The following IMMP2L variants were observed in gnomAD, a reference collection of about 807,000 sequenced individuals.
The protein encoded by IMMP2L is inner mitochondrial membrane peptidase subunit 2, also known as mitochondrial inner membrane protease subunit 2.
A neutral mutation model predicts 19.3 loss-of-function variants in IMMP2L; 18 were observed. That is an observed-to-expected ratio of 0.93 (90% CI 0.64 to 1.38). The LOEUF is 1.38. Among genes scored for constraint, IMMP2L ranks in the 40% most tolerant of loss-of-function variants. IMMP2L has a pLI of 0.00. For synonymous variants in IMMP2L, 76 were observed against 73.0 expected, an observed-to-expected ratio of 1.04 and a Z score of -0.21; for missense variants, 233 against 218.2, an observed-to-expected ratio of 1.07 and a Z score of -0.43.
chr7:110,825,281 C>A (rs545123077), intron 5 of IMMP2L, among the ~76,000 whole-genome samples: 7 of 152,030 alleles, frequency 4.6e-5, no homozygotes, highest in East Asian at 3.9e-4. Flanking sequence ...TTATAGATTC[C>A]ATGCCATCCC....
At chr7:111,557,895 C>A (rs1360006822) in intron 1 of IMMP2L, among the ~76,000 whole-genome samples, 1 of 151,806 alleles carries the variant, frequency 6.6e-6, no homozygotes, top group African/African-American at 2.4e-5. Flanking sequence ...AGAAAATCAA[C>A]TGGACTTTGA....
At chr7:110,775,249 C>CTGTGTG (rs56387151) in intron 5 of IMMP2L, among the ~76,000 whole-genome samples, 44,485 of 146,368 alleles carry the variant, frequency 0.3, 8,154 homozygotes, top group East Asian at 0.58. Context: ...CTTAAGTCAG[C>CTGTGTG]TGTGTGTGTG....
intron 3 of IMMP2L, among the ~76,000 whole-genome samples, chr7:111,076,932 C>G (rs1795465214): frequency 6.6e-6 from 1 of 152,100 alleles, no homozygotes; most frequent in African/African-American, 2.4e-5. Flanking sequence ...TTTTATTTTT[C>G]TTCTTTCTGA....
At chr7:111,337,346 T>C (rs1420531738) in intron 3 of IMMP2L, among the ~76,000 whole-genome samples, 1 of 152,162 alleles carries the variant, frequency 6.6e-6, no homozygotes, top group Non-Finnish European at 1.5e-5. Context: ...TAATAGAAAT[T>C]ATGCCATAAT....
Position 110,826,339 on chromosome 7 carries a change from A to G in IMMP2L, c.408+60254T>C, listed in dbSNP as rs563034535. On this transcript the variant is annotated intron_variant, in intron 5 of 5. Transcript: ENST00000405709. Reference sequence around the variant, plus strand: ...TGACCCAGCTATCCCATTACCGGGTATATACCCAAAGGTGTATAAATCATG... The same window carrying G: ...TGACCCAGCTATCCCATTACCGGGTGTATACCCAAAGGTGTATAAATCATG... Among the ~76,000 whole-genome samples, 13 of 152,334 alleles carry G rather than the reference A, an allele frequency of 8.5e-5. No homozygotes were observed. The South Asian group carries it at 1.9e-3, about 22-fold the overall frequency.
intron 1 of IMMP2L, among the ~76,000 whole-genome samples, chr7:111,538,032 C>T (rs1247148969): frequency 5.3e-5 from 8 of 152,032 alleles, no homozygotes; most frequent in Admixed American, 4.6e-4. Flanking sequence ...AAGTCCACTC[C>T]GACTCTCCAA....
chr7:111,177,283 G>A (rs1586700459), intron 3 of IMMP2L, among the ~76,000 whole-genome samples: 1 of 152,088 alleles, frequency 6.6e-6, no homozygotes, highest in East Asian at 1.9e-4. Context: ...AGGCTCAAGT[G>A]ATCCTCCTAC....
intron 5 of IMMP2L, among the ~76,000 whole-genome samples, chr7:110,799,068 A>C (rs915175538): frequency 2.0e-5 from 3 of 152,012 alleles, no homozygotes; most frequent in Non-Finnish European, 4.4e-5. Flanking sequence ...ATTATAAATA[A>C]ATTTTGAAAA....
At chr7:111,264,792 A>G (rs965288535) in intron 3 of IMMP2L, among the ~76,000 whole-genome samples, 1 of 151,674 alleles carries the variant, frequency 6.6e-6, no homozygotes, top group Admixed American at 6.6e-5. Flanking sequence ...ATATTGGTAA[A>G]TGTGGCTCAG....
chr7:111,113,063 G>A (rs896942432), intron 3 of IMMP2L, among the ~76,000 whole-genome samples: 6 of 152,122 alleles, frequency 3.9e-5, no homozygotes, highest in Admixed American at 1.3e-4. Context: ...AACAGAAAGT[G>A]AACTACCCAG....
chr7:110,860,572 A>T (rs1464013728), intron 5 of IMMP2L, among the ~76,000 whole-genome samples: 2 of 152,134 alleles, frequency 1.3e-5, no homozygotes, highest in African/African-American at 4.8e-5. Flanking sequence ...TAAAGGTATT[A>T]TCAGAATCTT....
chr7:110,681,603 G>C (rs968404225), intron 5 of IMMP2L, among the ~76,000 whole-genome samples: 4 of 152,074 alleles, frequency 2.6e-5, no homozygotes, highest in African/African-American at 9.7e-5. Context: ...AAGAAATGTG[G>C]TTACTCTTTT....
intron 1 of IMMP2L, among the ~76,000 whole-genome samples, chr7:111,543,292 C>G (rs1485695778): frequency 6.6e-6 from 1 of 152,082 alleles, no homozygotes; most frequent in African/African-American, 2.4e-5. Context: ...ACATTCATAA[C>G]CATATTAGTG....
At chr7:110,666,836 A>C (rs1229673660) in intron 5 of IMMP2L, among the ~76,000 whole-genome samples, 1 of 152,134 alleles carries the variant, frequency 6.6e-6, no homozygotes, top group Non-Finnish European at 1.5e-5. Context: ...ACCAACAATA[A>C]ATCTGCTGAG....
intron 5 of IMMP2L, among the ~76,000 whole-genome samples, chr7:110,832,406 A>G (rs536912598): frequency 6.6e-6 from 1 of 152,310 alleles, no homozygotes; most frequent in African/African-American, 2.4e-5. Context: ...AAAGTTCAGG[A>G]CGTCCCAGTA....
chr7:110,755,598 C>G (rs924776682), intron 5 of IMMP2L, among the ~76,000 whole-genome samples: 1 of 152,076 alleles, frequency 6.6e-6, no homozygotes, highest in African/African-American at 2.4e-5. Context: ...TGTCTCTTCT[C>G]TGAATGAGCT....
At chr7:110,806,422 T>C (rs114223177) in intron 5 of IMMP2L, among the ~76,000 whole-genome samples, 2,110 of 152,132 alleles carry the variant, frequency 0.014, 42 homozygotes, top group African/African-American at 0.048. Flanking sequence ...AAGGAAGATA[T>C]GCTATGGATC....
chr7:111,391,403 T>C (rs547861741), intron 3 of IMMP2L, among the ~76,000 whole-genome samples: 1 of 152,286 alleles, frequency 6.6e-6, no homozygotes, highest in South Asian at 2.1e-4. Context: ...ATAGTAATTA[T>C]ATAGTTTAAT....
At chr7:110,788,729 G>T (rs1800258792) in intron 5 of IMMP2L, among the ~76,000 whole-genome samples, 1 of 151,670 alleles carries the variant, frequency 6.6e-6, no homozygotes, top group Non-Finnish European at 1.5e-5. Context: ...TATTCTCACA[G>T]CCTTCCCCAT....
Sources: gnomAD v4.1 joint callset for allele counts (sites outside exome capture counted in the v4.1 genomes callset) on GRCh38, gnomAD v4.1.1 for gene constraint, MANE v1.5 for transcripts, NCBI Gene and HGNC (gene_info 2026-07-23, HGNC 2026-07-21) for gene names.